The following ARHGEF4 variants were observed in gnomAD, a reference collection of about 807,000 sequenced individuals.
ARHGEF4 encodes the protein APC-stimulated guanine nucleotide exchange factor 1.
ARHGEF4 carries 119 observed loss-of-function variants against 162.0 expected under a neutral mutation model. The ratio of observed to expected loss-of-function variants is 0.73; its 90% confidence interval spans 0.63 to 0.86. The LOEUF (loss-of-function observed/expected upper bound fraction) is 0.86, where lower values mean the gene tolerates loss of function less well. ARHGEF4 is among the 40% of genes least tolerant of loss of function. The pLI is 0.00. For synonymous variants in ARHGEF4, 1,014 were observed against 979.9 expected, an observed-to-expected ratio of 1.03 and a Z score of -0.65; for missense variants, 2,488 against 2,456.0, an observed-to-expected ratio of 1.01 and a Z score of -0.28.
chr2:130,939,759 T>G (rs1441223623), intron 3 of ARHGEF4, among the ~76,000 whole-genome samples: 1 of 152,264 alleles, frequency 6.6e-6, no homozygotes, highest in Non-Finnish European at 1.5e-5. Flanking sequence ...TTTCTTTAAC[T>G]TCTTTTGTCA....
Position 131,040,007 on chromosome 2 carries a change from G to T in ARHGEF4, c.4306-9G>T. ...TGCGGGGCACTGACCGGCCACGCAT[G>T]GCCTGCAGCTGAGGGTGAATCAGGA... On this transcript the variant is annotated splice_polypyrimidine_tract_variant and intron_variant, in intron 6 of 13. Coordinates refer to ENST00000409359, the MANE Select transcript of ARHGEF4 (RefSeq NM_001367493.1). 6.4e-7 allele frequency: 1 copy of T among 1,553,406 alleles called. No homozygotes were observed. The highest frequency in any genetic ancestry group is 1.2e-5 in the South Asian group (1 of 84,542).
chr2:130,862,926 C>A, intron 1 of ARHGEF4, among the ~76,000 whole-genome samples: 1 of 99,354 alleles, frequency 1.0e-5, no homozygotes, highest in Non-Finnish European at 1.7e-5. Context: ...CCAGAATATA[C>A]ATAAACAGTC....
chr2:130,915,165 G>C lies in ARHGEF4; in HGVS notation c.1219G>C (p.Gly407Arg), dbSNP rs1681403216. Reference sequence around the variant, plus strand: ...CCATCTGCAGGGTCCCTGCAAGCCTGGTGGGTTTCGCTTGCAAAGGGCCTC... The same window carrying C: ...CCATCTGCAGGGTCCCTGCAAGCCTCGTGGGTTTCGCTTGCAAAGGGCCTC... ...APHLQGPCKP[G>R]GFRLQRASQD... Residue 407 changes from glycine to arginine, a missense_variant, in exon 2 of 14, where the codon GGT (glycine) becomes CGT (arginine). Around this residue, in one of 6 missense-constraint regions of ARHGEF4, gnomAD observed 1,642 missense variants for 1,481.5 expected, o/e 1.11. Coordinates refer to ENST00000409359, the MANE Select transcript of ARHGEF4 (RefSeq NM_001367493.1). 2 of 1,550,492 alleles carry C rather than the reference G, an allele frequency of 1.3e-6. No individual in the cohort carries two copies. The highest frequency in any genetic ancestry group is 1.2e-5 in the South Asian group (1 of 84,066).
At chr2:130,992,588 C>T (rs1187426956) in intron 4 of ARHGEF4, among the ~76,000 whole-genome samples, 1 of 152,016 alleles carries the variant, frequency 6.6e-6, no homozygotes, top group Non-Finnish European at 1.5e-5. Flanking sequence ...ATCCGACCAT[C>T]AGAAGGAACA....
chr2:130,853,730 A>G (rs1165143207), intron 1 of ARHGEF4, among the ~76,000 whole-genome samples: 1 of 152,200 alleles, frequency 6.6e-6, no homozygotes, highest in Non-Finnish European at 1.5e-5. Flanking sequence ...CAGCACCAGG[A>G]CACAGCATGT....
At chr2:131,001,639 TTCTC>T (rs1687775202) in intron 4 of ARHGEF4, among the ~76,000 whole-genome samples, 1 of 152,122 alleles carries the variant, frequency 6.6e-6, no homozygotes, top group Admixed American at 6.5e-5. Context: ...TCGAACATGA[TTCTC>T]TATGTATCCT....
intron 4 of ARHGEF4, among the ~76,000 whole-genome samples, chr2:131,026,473 C>T (rs73000345): frequency 0.045 from 6,905 of 151,966 alleles, 255 homozygotes; most frequent in South Asian, 0.15. Flanking sequence ...ATCTGAGTGA[C>T]GGAGGTATCT....
At chr2:130,962,537 G>T (rs1684688735) in intron 4 of ARHGEF4, among the ~76,000 whole-genome samples, 1 of 152,144 alleles carries the variant, frequency 6.6e-6, no homozygotes, top group East Asian at 1.9e-4. Flanking sequence ...CACAAGGAGA[G>T]GAGAAAGCGT....
intron 4 of ARHGEF4, among the ~76,000 whole-genome samples, chr2:131,001,006 T>C (rs752864386): frequency 6.6e-5 from 10 of 151,922 alleles, no homozygotes; most frequent in Non-Finnish European, 1.2e-4. Flanking sequence ...AAAGAACATA[T>C]TAAGAACTGA....
At chr2:130,922,923 G>GACATAT (rs151110273) in intron 2 of ARHGEF4, among the ~76,000 whole-genome samples, 2 of 145,512 alleles carry the variant, frequency 1.4e-5, no homozygotes, top group Non-Finnish European at 3.0e-5. Context: ...CCTCTTTAAT[G>GACATAT]ATATATATAT....
intron 4 of ARHGEF4, among the ~76,000 whole-genome samples, chr2:130,975,078 G>T (rs1685616001): frequency 6.6e-6 from 1 of 152,140 alleles, no homozygotes; most frequent in Admixed American, 6.5e-5. Context: ...GTTGCCTTGG[G>T]TACATGGACG....
intron 4 of ARHGEF4, among the ~76,000 whole-genome samples, chr2:130,959,580 A>G (rs1684513968): frequency 6.6e-6 from 1 of 152,254 alleles, no homozygotes; most frequent in Non-Finnish European, 1.5e-5. Context: ...CATCTGGTAT[A>G]TGCTTAATAA....
intron 1 of ARHGEF4, among the ~76,000 whole-genome samples, chr2:130,851,163 G>C (rs2104883531): frequency 6.6e-6 from 1 of 152,394 alleles, no homozygotes; most frequent in Non-Finnish European, 1.5e-5. Flanking sequence ...TGCACTTTGA[G>C]AAGGGTGGTT....
chr2:131,037,314 G>A (rs1277798500), intron 5 of ARHGEF4, among the ~76,000 whole-genome samples: 2 of 152,204 alleles, frequency 1.3e-5, no homozygotes, highest in Non-Finnish European at 2.9e-5. Flanking sequence ...TCCCAAGCAG[G>A]CTCTGGAGCT....
chr2:130,841,939 C>G (rs1459117708), intron 1 of ARHGEF4, among the ~76,000 whole-genome samples: 3 of 152,230 alleles, frequency 2.0e-5, no homozygotes, highest in Non-Finnish European at 4.4e-5. Context: ...AGTACATTGC[C>G]CTGGCCTGGG....
At chr2:130,856,014 C>A (rs879550194) in intron 1 of ARHGEF4, among the ~76,000 whole-genome samples, 3 of 152,112 alleles carry the variant, frequency 2.0e-5, no homozygotes, top group Non-Finnish European at 4.4e-5. Flanking sequence ...GGGCAGAAAG[C>A]GAGCCATAGA....
At chr2:130,871,572 T>C (rs1030601269) in intron 1 of ARHGEF4, among the ~76,000 whole-genome samples, 2 of 139,192 alleles carry the variant, frequency 1.4e-5, no homozygotes, top group South Asian at 2.2e-4. Flanking sequence ...TATATACACA[T>C]ATATACATAC....
At chr2:130,896,255 G>C (rs1340900658) in intron 1 of ARHGEF4, among the ~76,000 whole-genome samples, 1 of 152,090 alleles carries the variant, frequency 6.6e-6, no homozygotes, top group Non-Finnish European at 1.5e-5. Context: ...TGTTGTTCTA[G>C]AATACTTGTA....
chr2:130,839,579 C>T (rs1279930500), intron 1 of ARHGEF4, among the ~76,000 whole-genome samples: 1 of 152,176 alleles, frequency 6.6e-6, no homozygotes, highest in Non-Finnish European at 1.5e-5. Context: ...GAGTCCCTCC[C>T]CGTGCAGGCA....
Sources: allele counts gnomAD v4.1 joint callset (sites outside exome capture counted in the v4.1 genomes callset), GRCh38; gene constraint gnomAD v4.1.1; regional missense constraint gnomAD v4.1.1; transcripts MANE v1.5; gene names NCBI Gene and HGNC (gene_info 2026-07-23, HGNC 2026-07-21).